Variants in ZNF273 observed in about 807,000 individuals in gnomAD.
ZNF273 encodes the protein zinc finger protein 9.
In ZNF273, 11 loss-of-function variants were observed where a neutral mutation model predicts 14.9. The observed-to-expected ratio is 0.74, with a 90% CI of 0.46 to 1.22. The LOEUF (loss-of-function observed/expected upper bound fraction) is 1.22, where lower values mean the gene tolerates loss of function less well. ZNF273 is among the 50% of genes most tolerant of loss of function. The pLI, the probability that ZNF273 is intolerant of heterozygous loss-of-function variation, is 0.00. For synonymous variants in ZNF273, 199 were observed against 223.9 expected (o/e 0.89, Z 0.99); for missense variants, 577 against 660.6 (o/e 0.87, Z 1.39).
chr7:64,888,821 GA>G lies in ZNF273; in HGVS notation n.525del, dbSNP rs1791774393. 11 of 985,838 alleles carry G rather than the reference GA, an allele frequency of 1.1e-5. No homozygotes were observed. In the South Asian group the frequency reaches 5.2e-4, roughly 46 times the overall value. 61.1% of individuals were successfully genotyped at this position (985,838 alleles called of 1,614,324 possible). On this transcript the variant is annotated non_coding_transcript_exon_variant, in exon 2 of 2. Transcript: ENST00000471926. ...AGTGCACTGTGGAGGCCACTTTCTG[GA>G]AAGAAGAAACCGTCTGAACACAAAG...
intron 1 of ZNF273, among the ~76,000 whole-genome samples, chr7:64,913,748 G>A (rs1469096570): frequency 1.3e-5 from 2 of 151,984 alleles, no homozygotes; most frequent in African/African-American, 2.4e-5. Context: ...TTAAAACACC[G>A]ATTCATGGAC....
intron 3 of ZNF273, among the ~76,000 whole-genome samples, chr7:64,920,292 G>A (rs1024580494): frequency 2.0e-5 from 3 of 152,088 alleles, no homozygotes; most frequent in Non-Finnish European, 4.4e-5. Flanking sequence ...TTTTGCAGTT[G>A]GGTCTATATA....
chr7:64,924,255 CAAG>C (rs1204651302), intron 3 of ZNF273: 2 of 151,856 alleles, frequency 1.3e-5, no homozygotes, highest in Non-Finnish European at 2.9e-5. Flanking sequence ...GGTGGTCTGT[CAAG>C]AAGAAAGTTG....
chr7:64,908,633 A>T lies in ZNF273; in HGVS notation c.102+5214A>T, dbSNP rs189209733. 3.4e-3 allele frequency among the ~76,000 whole-genome samples: 513 copies of T among 152,136 alleles called. 1 individual carries two copies. Among genetic ancestry groups the T allele is most frequent in the Middle Eastern group, 0.01 (3 of 294 alleles). ...ACGCTTGGCTAATTTATTTATTTTT[A>T]AAAATAGTGACAGGGTTTCACCATG... On this transcript the variant is annotated intron_variant, in intron 1 of 3. Coordinates refer to ENST00000476120, the MANE Select transcript of ZNF273 (RefSeq NM_021148.3).
intron 1 of ZNF273, among the ~76,000 whole-genome samples, chr7:64,885,693 A>G (rs2129034935): frequency 6.6e-6 from 1 of 152,312 alleles, no homozygotes; most frequent in East Asian, 1.9e-4. Flanking sequence ...TTGGTGATGC[A>G]GGAGGGACAG....
intron 1 of ZNF273, among the ~76,000 whole-genome samples, chr7:64,903,710 C>T (rs1041788943): frequency 6.6e-6 from 1 of 152,184 alleles, no homozygotes; most frequent in East Asian, 1.9e-4. Context: ...CTCGATGACT[C>T]GGGATGCAGG....
downstream of ZNF273, among the ~76,000 whole-genome samples, chr7:64,880,988 A>T (rs1242624549): frequency 6.6e-6 from 1 of 152,142 alleles, no homozygotes; most frequent in East Asian, 1.9e-4. Flanking sequence ...TGGGGTGAGG[A>T]TGCAATCTGG....
At chr7:64,927,631 A>C in intron 3 of ZNF273, 23 bp from the exon 4 acceptor site, 1 of 1,530,516 alleles carries the variant, frequency 6.5e-7, no homozygotes, top group Non-Finnish European at 8.7e-7. Flanking sequence ...AAGTGGGGTA[A>C]TTGTTACTTT....
intron 1 of ZNF273, among the ~76,000 whole-genome samples, chr7:64,910,659 C>A (rs189932360): frequency 6.6e-6 from 1 of 150,430 alleles, no homozygotes; most frequent in East Asian, 1.9e-4. Context: ...ATTGCCTTGG[C>A]TATTCAAGTT....
chr7:64,890,919 A>G (rs201780695), downstream of ZNF273, among the ~76,000 whole-genome samples: 2 of 152,224 alleles, frequency 1.3e-5, no homozygotes, highest in African/African-American at 2.4e-5. Flanking sequence ...CTGTGTGCCA[A>G]CAGCCACAAG....
At chr7:64,889,261 G>A (rs1791810017), downstream of ZNF273, 1 of 985,074 alleles carries the variant, frequency 1.0e-6, no homozygotes, top group Non-Finnish European at 1.2e-6. This position sits in a 1 kb window ranked among gnomAD's most constrained non-coding sequence, Gnocchi z 4.2. Context: ...GCCCGCAAAG[G>A]GCCGGGAGGT....
Position 64,928,380 on chromosome 7 carries a change from G to A in ZNF273, c.1052G>A (p.Cys351Tyr). Reference protein sequence around the residue: ...TGEKPYKCNECGKAFNWSSTL... With the variant: ...TGEKPYKCNEYGKAFNWSSTL... ...GAGAAACCCTACAAATGCAATGAAT[G>A]TGGTAAAGCCTTTAACTGGTCCTCA... The change falls in exon 4 of 4, where the codon TGT (cysteine) becomes TAT (tyrosine). Residue 351 changes from cysteine to tyrosine, a missense_variant. Around this residue, in one of 3 missense-constraint regions of ZNF273, gnomAD observed 411 missense variants for 440.4 expected, o/e 0.93. Coordinates refer to ENST00000476120, the MANE Select transcript of ZNF273 (RefSeq NM_021148.3). 1 of 1,613,720 alleles carries A rather than the reference G, an allele frequency of 6.2e-7. No individual in the cohort carries two copies. Among genetic ancestry groups the A allele is most frequent in the Non-Finnish European group, 8.5e-7 (1 of 1,179,914 alleles).
At chr7:64,887,544 C>T (rs1460824681) in intron 1 of ZNF273, among the ~76,000 whole-genome samples, 1 of 152,210 alleles carries the variant, frequency 6.6e-6, no homozygotes, top group African/African-American at 2.4e-5. Context: ...GTTGCACAGG[C>T]TGGAGTGCAG....
chr7:64,888,661 G>C, exon 2 of ZNF273: 3 of 985,818 alleles, frequency 3.0e-6, no homozygotes, highest in Non-Finnish European at 3.6e-6. Context: ...CTGACCAGGG[G>C]GCCGCGTCTT....
downstream of ZNF273, among the ~76,000 whole-genome samples, chr7:64,933,969 G>A (rs112587451): frequency 1.3e-5 from 2 of 152,114 alleles, no homozygotes; most frequent in Admixed American, 6.5e-5. Context: ...CATAGTCACC[G>A]TGCTGTACAG....
chr7:64,932,371 C>T (rs1012214492), downstream of ZNF273, among the ~76,000 whole-genome samples: 19 of 151,976 alleles, frequency 1.3e-4, no homozygotes, highest in African/African-American at 4.1e-4. Context: ...AGTGCAATGG[C>T]GCGATCTTGG....
chr7:64,914,078 G>A (rs1478753231), intron 1 of ZNF273, among the ~76,000 whole-genome samples: 2 of 151,378 alleles, frequency 1.3e-5, no homozygotes, highest in South Asian at 4.2e-4. Flanking sequence ...GCTTGATCTC[G>A]GCTACTTCAG....
intron 1 of ZNF273, among the ~76,000 whole-genome samples, chr7:64,916,740 C>T (rs1010877272): frequency 2.6e-5 from 4 of 151,960 alleles, no homozygotes; most frequent in African/African-American, 7.3e-5. Flanking sequence ...TGTCCTGGTT[C>T]AGTTGATGTT....
intron 1 of ZNF273, among the ~76,000 whole-genome samples, chr7:64,903,653 C>T (rs1006459602): frequency 6.6e-6 from 1 of 152,230 alleles, no homozygotes; most frequent in Admixed American, 6.5e-5. Flanking sequence ...GTTCCCTGGC[C>T]TGGAGCCCTC....
Sources: allele counts gnomAD v4.1 joint callset (sites outside exome capture counted in the v4.1 genomes callset), GRCh38; gene constraint gnomAD v4.1.1; regional missense constraint gnomAD v4.1.1; non-coding constraint Gnocchi (gnomAD v3.1); transcripts MANE v1.5; gene names NCBI Gene and HGNC (gene_info 2026-07-23, HGNC 2026-07-21).